The following RAD54L variants were observed in gnomAD, a reference collection of about 807,000 sequenced individuals.
The protein encoded by RAD54L is DNA repair and recombination protein RAD54-like.
RAD54L carries 74 observed loss-of-function variants against 91.6 expected under a neutral mutation model. That is an observed-to-expected ratio of 0.81 (90% CI 0.67 to 0.98). The LOEUF (loss-of-function observed/expected upper bound fraction) is 0.98, where lower values mean the gene tolerates loss of function less well. Among genes scored for constraint, RAD54L ranks in the 50% least tolerant of loss-of-function variants. RAD54L has a pLI of 0.00. For synonymous variants in RAD54L, 304 were observed against 349.7 expected (o/e 0.87, Z 1.46); for missense variants, 887 against 945.7 (o/e 0.94, Z 0.81).
Position 46,273,707 on chromosome 1 carries a change from C to G in RAD54L, c.1570C>G (p.Gln524Glu), listed in dbSNP as rs1476876055. 1 of 1,613,062 alleles carries G rather than the reference C, an allele frequency of 6.2e-7. No homozygotes were observed. The highest frequency in any genetic ancestry group is 1.3e-5 in the African/African-American group (1 of 75,010). The change falls in exon 14 of 18, where the codon CAG (glutamine) becomes GAG (glutamate). Residue 524 changes from glutamine to glutamate, a missense_variant. Coordinates refer to ENST00000371975, the MANE Select transcript of RAD54L (RefSeq NM_003579.4). The part of the protein sequence containing the change: ...DKVVLVSNYT[Q>E]TLDLFEKLCR... ...AGTAGTGCTGGTGTCGAATTACACC[C>G]AGACTTTGGATCTCTTTGAGAAGCT... is the stretch of plus-strand genomic sequence containing the variant.
chr1:46,271,770 A>G (rs1200147241), intron 10 of RAD54L, among the ~76,000 whole-genome samples: 1 of 152,126 alleles, frequency 6.6e-6, no homozygotes, highest in African/African-American at 2.4e-5. Flanking sequence ...GCTTAATTTC[A>G]TTTAGCCTGG....
Position 46,248,284 on chromosome 1 carries a change from G to A in RAD54L, c.-122G>A. On this transcript the variant is annotated 5_prime_UTR_variant, in exon 1 of 18. Transcript: ENST00000371975. ...ATCCATGCCCCCTCTTTAATTAGCCGGTCCTCTCAATAATGTAGCAGCCCC... is the reference window on the plus strand; with the variant it reads ...ATCCATGCCCCCTCTTTAATTAGCCAGTCCTCTCAATAATGTAGCAGCCCC... 2 of 1,267,952 alleles carry A rather than the reference G, an allele frequency of 1.6e-6. No individual in the cohort carries two copies. The highest frequency in any genetic ancestry group is 1.9e-5 in the Admixed American group (1 of 51,378). The allele number at this position is 1,267,952 out of a possible 1,614,324, so 78.5% of individuals were successfully genotyped here.
At chr1:46,255,473 C>T (rs1659914248) in intron 3 of RAD54L, among the ~76,000 whole-genome samples, 1 of 150,194 alleles carries the variant, frequency 6.7e-6, no homozygotes, top group South Asian at 2.1e-4. Context: ...CAAACCAGAT[C>T]CCTGAAGGTT....
Position 46,261,337 on chromosome 1 carries a change from T to C in RAD54L, c.843T>C (p.His281=). The change falls in exon 8 of 18, where the codon CAT becomes CAC. Residue 281 remains histidine, a synonymous_variant. Transcript: ENST00000371975. ...LIISYETFRL[H]VGVLQKGSVG... The stretch of plus-strand genomic sequence containing the variant: ...TTTCCTATGAGACCTTCCGCCTTCA[T>C]GTTGGAGTCCTCCAGAAAGGAAGTG... 6.2e-7 allele frequency: 1 copy of C among 1,613,964 alleles called. No homozygotes were observed. Among genetic ancestry groups the C allele is most frequent in the Non-Finnish European group, 8.5e-7 (1 of 1,179,966 alleles).
Position 46,248,374 on chromosome 1 carries a change from G to A in RAD54L, c.-32G>A, listed in dbSNP as rs1659706481. The A allele has an allele frequency of 6.2e-7, 1 of 1,613,044 alleles. No homozygotes were observed. The highest frequency in any genetic ancestry group is 1.7e-5 in the Admixed American group (1 of 59,968). ...GCCTGCTTTTGACCTTTGGCTCATG[G>A]GTACTTGACGTTTTAAACTCCTAGG... On this transcript the variant is annotated 5_prime_UTR_variant, in exon 1 of 18. Transcript: ENST00000371975.
Position 46,260,642 on chromosome 1 carries a change from G to T in RAD54L, c.477+31G>T, listed in dbSNP as rs776148627. 1.1e-5 allele frequency: 17 copies of T among 1,613,646 alleles called. No homozygotes were observed. In the East Asian group the frequency reaches 3.6e-4, roughly 34 times the overall value. On this transcript the variant is annotated intron_variant, in intron 6 of 17. Coordinates refer to ENST00000371975, the MANE Select transcript of RAD54L (RefSeq NM_003579.4). ...TGAGGGTGAGGGGAACGAGGTATGG[G>T]CTATGGGCTGAGCCTGGGAGACTAC...
At chr1:46,274,304 T>G in intron 15 of RAD54L, 88 bp downstream of exon 15, 1 of 1,214,472 alleles carries the variant, frequency 8.2e-7, no homozygotes, top group Non-Finnish European at 1.2e-6. Flanking sequence ...TTACCTTGAT[T>G]TTTTTTTTTT....
At chr1:46,251,185 G>A (rs1659788653) in intron 3 of RAD54L, among the ~76,000 whole-genome samples, 1 of 150,134 alleles carries the variant, frequency 6.7e-6, no homozygotes, top group South Asian at 2.1e-4. Flanking sequence ...GGTGGTGCAT[G>A]CCTGTAATCC....
At chr1:46,251,226 C>T (rs1386467128) in intron 3 of RAD54L, among the ~76,000 whole-genome samples, 1 of 151,820 alleles carries the variant, frequency 6.6e-6, no homozygotes, top group Non-Finnish European at 1.5e-5. Context: ...GCAGGAGAAT[C>T]ACTTGAACCC....
chr1:46,257,351 T>C (rs1283551072), intron 3 of RAD54L, among the ~76,000 whole-genome samples: 1 of 152,140 alleles, frequency 6.6e-6, no homozygotes, highest in Non-Finnish European at 1.5e-5. Flanking sequence ...TAAAACTACC[T>C]TCAGGGTCTC....
chr1:46,251,894 G>C (rs1306391903), intron 3 of RAD54L, among the ~76,000 whole-genome samples: 1 of 152,220 alleles, frequency 6.6e-6, no homozygotes, highest in African/African-American at 2.4e-5. Context: ...CTGGGTGACA[G>C]AGCGAGACCC....
At position 46,248,324 on chromosome 1, in the gene RAD54L, C is replaced by T; in HGVS notation, c.-82C>T. ...GTAGCAGCCCCCTCTACAGATTAGA[C>T]CCTGGTCCTACACTCTTAGCCGCTG... On this transcript the variant is annotated 5_prime_UTR_variant, in exon 1 of 18. Coordinates refer to ENST00000371975, the MANE Select transcript of RAD54L (RefSeq NM_003579.4). The T allele has an allele frequency of 1.3e-6, 2 of 1,555,204 alleles. No homozygotes were observed. The highest frequency in any genetic ancestry group is 1.1e-5 in the South Asian group (1 of 88,712).
At chr1:46,261,587 C>T (rs932461051) in intron 8 of RAD54L, among the ~76,000 whole-genome samples, 3 of 152,086 alleles carry the variant, frequency 2.0e-5, no homozygotes, top group African/African-American at 7.2e-5. Context: ...TGCTTAGAAC[C>T]CTGAGGAGAG....
At position 46,248,040 on chromosome 1, in the gene RAD54L, C is replaced by G; in HGVS notation, c.-366C>G. ...AGTGATTACCCACCCCCAATCCCAC[C>G]CCGCCCCGCCGCGCAACTACCTCCT... On this transcript the variant is annotated 5_prime_UTR_variant, in exon 1 of 18. Transcript: ENST00000371975. 7.1e-6 allele frequency: 2 copies of G among 280,756 alleles called. No homozygotes were observed. Among genetic ancestry groups the G allele is most frequent in the South Asian group, 7.7e-5 (2 of 26,048 alleles). 17.4% of individuals were successfully genotyped at this position (280,756 alleles called of 1,614,324 possible). A position where few individuals can be genotyped will look rare whatever the true frequency, so the allele number is the denominator to read the frequency against.
At chr1:46,257,733 A>T (rs2148284732) in intron 3 of RAD54L, among the ~76,000 whole-genome samples, 1 of 152,292 alleles carries the variant, frequency 6.6e-6, no homozygotes, top group East Asian at 1.9e-4. Context: ...CTTGTGCTTT[A>T]CATGGCAGGA....
chr1:46,247,925 T>C lies in RAD54L; in HGVS notation c.-481T>C. ...GACCTCCCTGAGTCTGATCCTGGTT[T>C]CCACCTCCAGCCCTGGGAAATTTCC... is the stretch of plus-strand genomic sequence containing the variant. On this transcript the variant is annotated 5_prime_UTR_variant, in exon 1 of 18. Coordinates refer to ENST00000371975, the MANE Select transcript of RAD54L (RefSeq NM_003579.4). 1 of 275,600 alleles carries C rather than the reference T, an allele frequency of 3.6e-6. No individual in the cohort carries two copies. Among genetic ancestry groups the C allele is most frequent in the Non-Finnish European group, 7.2e-6 (1 of 139,488 alleles). The allele number at this position is 275,600 out of a possible 1,614,324, so 17.1% of individuals were successfully genotyped here. A position where few individuals can be genotyped will look rare whatever the true frequency, so the allele number is the denominator to read the frequency against.
At chr1:46,262,671 GTT>G (rs535126077) in intron 8 of RAD54L, among the ~76,000 whole-genome samples, 1 of 151,972 alleles carries the variant, frequency 6.6e-6, no homozygotes, top group Non-Finnish European at 1.5e-5. Context: ...AAGATGAGCT[GTT>G]TTTTTACATT....
In RAD54L at chr1:46,250,027, G is replaced by A. The variant is rs1421471663; in HGVS notation, c.118G>A (p.Glu40Lys). Residue 40 changes from glutamate (E) to lysine (K), a missense_variant, in exon 3 of 18, where the codon GAG (glutamate) becomes AAG (lysine). Transcript: ENST00000371975. Reference protein sequence around the residue: ...VTPRKRKSSSETQIQECFLSP... With the variant: ...VTPRKRKSSSKTQIQECFLSP... Reference sequence around the variant, plus strand: ...TCCTAGGAAACGGAAATCCAGCAGTGAGACCCAGATCCAGGAGTGTTTCCT... The same window carrying A: ...TCCTAGGAAACGGAAATCCAGCAGTAAGACCCAGATCCAGGAGTGTTTCCT... 1 of 1,614,104 alleles carries A rather than the reference G, an allele frequency of 6.2e-7. No individual in the cohort carries two copies. Among genetic ancestry groups the A allele is most frequent in the Admixed American group, 1.7e-5 (1 of 60,020 alleles).
In RAD54L at chr1:46,250,073, T is replaced by G. The variant is rs746613212; in HGVS notation, c.164T>G (p.Leu55Trp). Reference sequence around the variant, plus strand: ...TTCCTGTCTCCTTTTCGGAAACCTTTGAGTCAGCTAACCAATCAACCACCT... The same window carrying G: ...TTCCTGTCTCCTTTTCGGAAACCTTGGAGTCAGCTAACCAATCAACCACCT... Reference protein sequence around the residue: ...ECFLSPFRKPLSQLTNQPPCL... With the variant: ...ECFLSPFRKPWSQLTNQPPCL... The change falls in exon 3 of 18, where the codon TTG becomes TGG. Residue 55 changes from leucine to tryptophan, a missense_variant. Physicochemically the swap from Leu to Trp is moderately conservative, Grantham distance 61. Transcript: ENST00000371975. 8.7e-6 allele frequency: 14 copies of G among 1,614,062 alleles called. No homozygotes were observed. Among genetic ancestry groups the G allele is most frequent in the Admixed American group, 1.7e-5 (1 of 60,004 alleles).
Sources: gnomAD v4.1 joint callset for allele counts (sites outside exome capture counted in the v4.1 genomes callset) on GRCh38, gnomAD v4.1.1 for gene constraint, MANE v1.5 for transcripts, NCBI Gene and HGNC (gene_info 2026-07-23, HGNC 2026-07-21) for gene names.